Variants in AKAP12 observed in about 807,000 individuals in gnomAD.
The protein encoded by AKAP12 is A-kinase anchor protein 12.
AKAP12 carries 32 observed loss-of-function variants against 79.9 expected under a neutral mutation model. That is an observed-to-expected ratio of 0.40 (90% confidence interval 0.30 to 0.54). The LOEUF (loss-of-function observed/expected upper bound fraction) is 0.54. Among genes scored for constraint, AKAP12 ranks in the 20% least tolerant of loss-of-function variants. AKAP12 has a pLI of 0.48. For missense variants in AKAP12, 2,074 were observed against 2,177.0 expected (o/e 0.95, Z 0.94); for synonymous variants, 808 against 857.0 (o/e 0.94, Z 1.00).
intron 3 of AKAP12, among the ~76,000 whole-genome samples, chr6:151,310,565 A>AT (rs372550144): frequency 0.011 from 1,658 of 151,958 alleles, 31 homozygotes; most frequent in African/African-American, 0.038. Context: ...CTGTCTCTAT[A>AT]TTTTTTTTAA....
At chr6:151,262,317 A>T (rs139014258) in intron 2 of AKAP12, among the ~76,000 whole-genome samples, 5 of 152,182 alleles carry the variant, frequency 3.3e-5, no homozygotes, top group African/African-American at 1.2e-4. Context: ...CTGTTCAGTC[A>T]GTGCATGTAG....
intron 2 of AKAP12, among the ~76,000 whole-genome samples, chr6:151,265,425 T>G (rs1222699041): frequency 2.0e-5 from 3 of 152,240 alleles, no homozygotes; most frequent in African/African-American, 7.2e-5. Flanking sequence ...GGAATTCAGC[T>G]AGCCCATTCT....
At position 151,356,168 on chromosome 6, in the gene AKAP12, G is replaced by C. The variant is rs950230988; in HGVS notation, c.*454G>C. ...TTTTTGTATCACACAGTATATGATG[G>C]GGCATGTGCCATAGTGCAGGCTTGG... On this transcript the variant is annotated 3_prime_UTR_variant, in exon 5 of 5. Coordinates refer to ENST00000402676, the MANE Select transcript of AKAP12 (RefSeq NM_005100.4). 2 of 152,494 alleles carry C rather than the reference G, an allele frequency of 1.3e-5. No homozygotes were observed. The highest frequency in any genetic ancestry group is 4.8e-5 in the African/African-American group (2 of 41,380). The allele number at this position is 152,494 out of a possible 1,614,324, so 9.4% of individuals were successfully genotyped here.
intron 2 of AKAP12, among the ~76,000 whole-genome samples, chr6:151,255,862 G>C (rs982453525): frequency 2.6e-5 from 4 of 152,200 alleles, no homozygotes; most frequent in Non-Finnish European, 5.9e-5. Context: ...TTAGGAAGAA[G>C]GGAAAACCAG....
At chr6:151,312,793 CAAAAAAAA>C (rs55685824) in intron 3 of AKAP12, among the ~76,000 whole-genome samples, 49 of 72,998 alleles carry the variant, frequency 6.7e-4, no homozygotes, top group African/African-American at 2.6e-3. Context: ...ACTCTGTCTC[CAAAAAAAA>C]AAAAAAAAAA....
chr6:151,277,544 G>T (rs1776309875), intron 2 of AKAP12, among the ~76,000 whole-genome samples: 1 of 152,176 alleles, frequency 6.6e-6, no homozygotes, highest in African/African-American at 2.4e-5. Context: ...AAAATTTGGT[G>T]CTTGGTAAAT....
At chr6:151,348,680 T>TGGGGGGGGGGGGGGGGGCCCCCCCCCCC in intron 3 of AKAP12, 31 bp from the exon 4 acceptor site, 1 of 355,202 alleles carries the variant, frequency 2.8e-6, no homozygotes, top group African/African-American at 2.4e-5. Context: ...TTTTCTCTTC[T>TGGGGGGGGGGGGGGGGGCCCCCCCCCCC]CCCCACCCCC....
At chr6:151,346,513 G>A (rs146577519) in intron 3 of AKAP12, among the ~76,000 whole-genome samples, 6 of 152,214 alleles carry the variant, frequency 3.9e-5, no homozygotes, top group Admixed American at 2.0e-4. Context: ...TGGTTGTGTC[G>A]TTGTGATTAG....
At chr6:151,261,726 T>A (rs906461299) in intron 2 of AKAP12, among the ~76,000 whole-genome samples, 2 of 143,236 alleles carry the variant, frequency 1.4e-5, no homozygotes, top group African/African-American at 5.3e-5. Flanking sequence ...AACAGTGGTT[T>A]TTATTATTTT....
chr6:151,311,602 T>C (rs1471999906), intron 3 of AKAP12, among the ~76,000 whole-genome samples: 2 of 152,178 alleles, frequency 1.3e-5, no homozygotes, highest in East Asian at 3.9e-4. Flanking sequence ...TTTCTTAACG[T>C]TTTACAGGAT....
intron 2 of AKAP12, among the ~76,000 whole-genome samples, chr6:151,259,690 T>C (rs1157786834): frequency 6.6e-6 from 1 of 151,212 alleles, no homozygotes; most frequent in African/African-American, 2.4e-5. Flanking sequence ...GCTATTCTTG[T>C]GCCTCATCCT....
At chr6:151,329,123 C>CT (rs5880925) in intron 3 of AKAP12, among the ~76,000 whole-genome samples, 74,898 of 150,686 alleles carry the variant, frequency 0.5, 21,372 homozygotes, top group African/African-American at 0.79. Context: ...ATAAAAATGC[C>CT]TTTTTTTTTG....
chr6:151,250,178 G>A (rs1377067859), intron 2 of AKAP12, among the ~76,000 whole-genome samples: 1 of 152,072 alleles, frequency 6.6e-6, no homozygotes, highest in African/African-American at 2.4e-5. Context: ...CCGGGAAGTT[G>A]AAGCTGCAGA....
intron 3 of AKAP12, among the ~76,000 whole-genome samples, chr6:151,345,573 T>C (rs553107451): frequency 1.3e-5 from 2 of 150,524 alleles, no homozygotes; most frequent in Admixed American, 1.3e-4. Context: ...GGTGGGCGGA[T>C]CACCTGAGGC....
At chr6:151,323,842 T>C in intron 3 of AKAP12, 5 of 985,418 alleles carry the variant, frequency 5.1e-6, no homozygotes, top group Non-Finnish European at 6.0e-6. Context: ...TGGCACCAGA[T>C]GATAGCCTTG....
chr6:151,325,814 C>A, intron 3 of AKAP12: 1 of 1,613,898 alleles, frequency 6.2e-7, no homozygotes, highest in Non-Finnish European at 8.5e-7. Context: ...CCGGGGAGGG[C>A]AGGGACCCGC....
intron 3 of AKAP12, among the ~76,000 whole-genome samples, chr6:151,332,945 C>T (rs139216900): frequency 3.8e-4 from 58 of 152,128 alleles, no homozygotes; most frequent in African/African-American, 1.3e-3. Context: ...TTAAAAATGG[C>T]GGGGTCATTC....
At chr6:151,345,930 T>TGA (rs1419080142) in intron 3 of AKAP12, among the ~76,000 whole-genome samples, 41 of 108,812 alleles carry the variant, frequency 3.8e-4, no homozygotes, top group South Asian at 1.1e-3. Flanking sequence ...TGTGTGTGTG[T>TGA]GTGAGAGAGA....
At chr6:151,247,514 T>TA (rs1056336872) in intron 2 of AKAP12, among the ~76,000 whole-genome samples, 4 of 150,896 alleles carry the variant, frequency 2.7e-5, no homozygotes, top group African/African-American at 9.8e-5. Context: ...AGAGCAGTCT[T>TA]ACTCTCCTTT....
Sources: gnomAD v4.1 joint callset for allele counts (sites outside exome capture counted in the v4.1 genomes callset) on GRCh38, gnomAD v4.1.1 for gene constraint, MANE v1.5 for transcripts, NCBI Gene and HGNC (gene_info 2026-07-23, HGNC 2026-07-21) for gene names.